GALNT18: variants seen among roughly 807,000 people sequenced by gnomAD.
The protein encoded by GALNT18 is polypeptide N-acetylgalactosaminyltransferase 18.
A neutral mutation model predicts 69.5 loss-of-function variants in GALNT18; 44 were observed. The ratio of observed to expected loss-of-function variants is 0.63; its 90% CI spans 0.50 to 0.81. The LOEUF (loss-of-function observed/expected upper bound fraction) is 0.81. GALNT18 is among the 40% of genes least tolerant of loss of function. GALNT18 has a pLI of 0.00. For missense variants in GALNT18, 715 were observed against 810.0 expected, an observed-to-expected ratio of 0.88 and a Z score of 1.42; for synonymous variants, 364 against 318.2, an observed-to-expected ratio of 1.14 and a Z score of -1.53.
intron 1 of GALNT18, among the ~76,000 whole-genome samples, chr11:11,474,441 G>A (rs1856343311): frequency 6.6e-6 from 1 of 152,162 alleles, no homozygotes; most frequent in Non-Finnish European, 1.5e-5. Context: ...TGTGGCTCTT[G>A]TTCTAATAGC....
intron 9 of GALNT18, among the ~76,000 whole-genome samples, chr11:11,326,043 T>A (rs1476345720): frequency 5.3e-4 from 10 of 18,954 alleles, no homozygotes; most frequent in African/African-American, 2.7e-3. Context: ...CTAAATATCT[T>A]TTTTTTTTTT....
chr11:11,514,317 A>G (rs113988118), intron 1 of GALNT18, among the ~76,000 whole-genome samples: 272 of 152,324 alleles, frequency 1.8e-3, no homozygotes, highest in African/African-American at 6.0e-3. Context: ...TCTGAGTTGC[A>G]GGCAGAGGCT....
intron 10 of GALNT18, among the ~76,000 whole-genome samples, chr11:11,290,688 C>A (rs1176749879): frequency 6.6e-6 from 1 of 152,206 alleles, no homozygotes; most frequent in South Asian, 2.1e-4. Flanking sequence ...TACATTGTCT[C>A]CTGAGAAACC....
chr11:11,304,004 A>ATGCTC (rs755561951), intron 9 of GALNT18, among the ~76,000 whole-genome samples: 2 of 152,200 alleles, frequency 1.3e-5, no homozygotes, highest in Non-Finnish European at 2.9e-5. Flanking sequence ...CAAATGGTCT[A>ATGCTC]TGCTCTGGGA....
Position 11,337,809 on chromosome 11 carries a change from C to T in GALNT18, c.1278+3010G>A, listed in dbSNP as rs960818945. Among the ~76,000 whole-genome samples the T allele has an allele frequency of 6.6e-6, 1 of 152,058 alleles. No individual in the cohort carries two copies. The highest frequency in any genetic ancestry group is 1.5e-5 in the Non-Finnish European group (1 of 68,030). ...GTTCCCATAGTCCACGCAACGTATG[C>T]AGACTTCAAAACAGGGAGTGGTAGG... On this transcript the variant is annotated intron_variant, in intron 7 of 10. Coordinates refer to ENST00000227756, the MANE Select transcript of GALNT18 (RefSeq NM_198516.3). The surrounding 1 kb of genome is among the most constrained non-coding windows in gnomAD (Gnocchi z 4.9).
At chr11:11,516,418 G>A (rs1857277543) in intron 1 of GALNT18, among the ~76,000 whole-genome samples, 1 of 152,190 alleles carries the variant, frequency 6.6e-6, no homozygotes, top group Non-Finnish European at 1.5e-5. Flanking sequence ...AATCACCTGA[G>A]GTTGGGAGTT....
intron 1 of GALNT18, among the ~76,000 whole-genome samples, chr11:11,526,184 A>G (rs1447370427): frequency 6.6e-6 from 1 of 152,222 alleles, no homozygotes; most frequent in East Asian, 1.9e-4. Flanking sequence ...GGATGTCATC[A>G]GGGAAGACCA....
Position 11,448,914 on chromosome 11 carries a change from C to A in GALNT18, c.258G>T (p.Glu86Asp). 6.3e-7 allele frequency: 1 copy of A among 1,595,928 alleles called. No homozygotes were observed. Among genetic ancestry groups the A allele is most frequent in the East Asian group, 2.3e-5 (1 of 44,214 alleles). ...AGTCTGTGAAGGGCTCGGCCTCTGC[C>A]TCCTCAGGCTTGGCAGGAGCCTCTG... ...HIQEAPAKPE[E>D]AEAEPFTDSS... The change falls in exon 2 of 11, where the codon GAG becomes GAT. Residue 86 changes from glutamate (E) to aspartate (D), a missense_variant. Coordinates refer to ENST00000227756, the MANE Select transcript of GALNT18 (RefSeq NM_198516.3).
intron 10 of GALNT18, among the ~76,000 whole-genome samples, chr11:11,273,097 AGAAACACTCCAGAATGTGG>A (rs1313944477): frequency 2.6e-4 from 39 of 152,380 alleles, no homozygotes; most frequent in Admixed American, 2.0e-4. Context: ...AAAACATTGG[AGAAACACTCCAGAATGTGG>A]GAAACACTCC....
At chr11:11,271,372 T>C in intron 10 of GALNT18, 82 bp from the exon 11 acceptor site, 1 of 1,439,166 alleles carries the variant, frequency 6.9e-7, no homozygotes, top group Non-Finnish European at 9.7e-7. Flanking sequence ...AAGTGGCTGG[T>C]GAGGGCTGAC....
At chr11:11,549,239 C>T (rs1014971302) in intron 1 of GALNT18, among the ~76,000 whole-genome samples, 4 of 152,210 alleles carry the variant, frequency 2.6e-5, no homozygotes, top group African/African-American at 9.7e-5. Context: ...AAAAAGGGCC[C>T]AGGCCTGTGA....
intron 6 of GALNT18, chr11:11,351,813 T>C (rs1320229331): frequency 3.8e-6 from 3 of 795,722 alleles, no homozygotes; most frequent in Non-Finnish European, 5.9e-6. Flanking sequence ...TGAACTACTA[T>C]AAATCCACAA....
At chr11:11,578,451 G>T (rs1858984902) in intron 1 of GALNT18, among the ~76,000 whole-genome samples, 1 of 151,972 alleles carries the variant, frequency 6.6e-6, no homozygotes, top group East Asian at 1.9e-4. Context: ...TTTCCTGCAG[G>T]TAAAAAGAAT....
intron 2 of GALNT18, among the ~76,000 whole-genome samples, chr11:11,446,698 G>T (rs1419050481): frequency 1.3e-5 from 2 of 152,156 alleles, no homozygotes; most frequent in Non-Finnish European, 2.9e-5. Context: ...CTCTTAATTG[G>T]TCTCCATGCT....
Position 11,606,516 on chromosome 11 carries a change from C to T in GALNT18, c.235+14843G>A, listed in dbSNP as rs1038926391. ...CATAAAATATCTGCCCCTCCTCTAT[C>T]CGAATCATCACTCTGGTTTGAGGGG... On this transcript the variant is annotated intron_variant, in intron 1 of 10. Transcript: ENST00000227756. This position sits in a 1 kb window ranked among gnomAD's most constrained non-coding sequence, Gnocchi z 5.4. Among the ~76,000 whole-genome samples the T allele has an allele frequency of 8.5e-5, 13 of 152,138 alleles. No homozygotes were observed. Among genetic ancestry groups the T allele is most frequent in the African/African-American group, 3.1e-4 (13 of 41,414 alleles).
At chr11:11,427,487 G>A (rs1025979922) in intron 3 of GALNT18, among the ~76,000 whole-genome samples, 1 of 152,130 alleles carries the variant, frequency 6.6e-6, no homozygotes, top group Non-Finnish European at 1.5e-5. Context: ...AAGACATTCC[G>A]ACGGCTCTGC....
chr11:11,457,884 T>C (rs1180720740), intron 1 of GALNT18, among the ~76,000 whole-genome samples: 1 of 152,256 alleles, frequency 6.6e-6, no homozygotes, highest in East Asian at 1.9e-4. Context: ...TTTCTCTTTC[T>C]GCCCTCAGGC....
At chr11:11,312,699 G>C (rs1373252291) in intron 9 of GALNT18, among the ~76,000 whole-genome samples, 1 of 152,186 alleles carries the variant, frequency 6.6e-6, no homozygotes, top group Non-Finnish European at 1.5e-5. Flanking sequence ...GAAAAAACAG[G>C]CTTCAGATTA....
At chr11:11,368,647 T>G (rs941130968) in intron 6 of GALNT18, among the ~76,000 whole-genome samples, 2 of 152,246 alleles carry the variant, frequency 1.3e-5, no homozygotes, top group African/African-American at 4.8e-5. Context: ...CTGTTGAGCT[T>G]TTGTCTTTCT....
Sources: gnomAD v4.1 joint callset for allele counts (sites outside exome capture counted in the v4.1 genomes callset) on GRCh38, gnomAD v4.1.1 for gene constraint, Gnocchi (gnomAD v3.1) non-coding constraint, MANE v1.5 for transcripts, NCBI Gene and HGNC (gene_info 2026-07-23, HGNC 2026-07-21) for gene names.